Variants in ZHX3 observed in about 807,000 individuals in gnomAD.
ZHX3 encodes zinc fingers and homeoboxes 3, also known as zinc fingers and homeoboxes protein 3.
A neutral mutation model predicts 64.5 loss-of-function variants in ZHX3; 20 were observed. The ratio of observed to expected loss-of-function variants is 0.31; its 90% confidence interval spans 0.22 to 0.45. The LOEUF (loss-of-function observed/expected upper bound fraction) is 0.45, where lower values mean the gene tolerates loss of function less well. ZHX3 is among the 20% of genes least tolerant of loss of function. The pLI, the probability that ZHX3 is intolerant of heterozygous loss-of-function variation, is 1.00. For missense variants in ZHX3, 1,041 were observed against 1,195.8 expected, an observed-to-expected ratio of 0.87 and a Z score of 1.91; for synonymous variants, 423 against 461.6, an observed-to-expected ratio of 0.92 and a Z score of 1.07.
At chr20:41,213,012 C>T (rs548057264) in intron 2 of ZHX3, among the ~76,000 whole-genome samples, 92 of 152,226 alleles carry the variant, frequency 6.0e-4, no homozygotes, top group Non-Finnish European at 1.2e-3. Flanking sequence ...TATATCCATA[C>T]GATGAATTCT....
At chr20:41,236,249 T>C (rs1343943355) in intron 2 of ZHX3, among the ~76,000 whole-genome samples, 1 of 152,188 alleles carries the variant, frequency 6.6e-6, no homozygotes, top group Non-Finnish European at 1.5e-5. Flanking sequence ...AATGACTTTC[T>C]TCACAGAATT....
chr20:41,234,220 A>G (rs1356343877), intron 2 of ZHX3, among the ~76,000 whole-genome samples: 1 of 152,170 alleles, frequency 6.6e-6, no homozygotes, highest in Admixed American at 6.5e-5. Context: ...CCCCCACAAA[A>G]CTGTGGGCTG....
chr20:41,293,333 G>T (rs1022253181), intron 1 of ZHX3, among the ~76,000 whole-genome samples: 1 of 152,170 alleles, frequency 6.6e-6, no homozygotes, highest in South Asian at 2.1e-4. Flanking sequence ...GGATTTAGAG[G>T]ATTATTGTCA....
At chr20:41,221,369 T>C (rs1352735628) in intron 2 of ZHX3, among the ~76,000 whole-genome samples, 2 of 152,234 alleles carry the variant, frequency 1.3e-5, no homozygotes, top group Non-Finnish European at 2.9e-5. Flanking sequence ...CCAGGACTTG[T>C]ACCAAAATAC....
intron 2 of ZHX3, among the ~76,000 whole-genome samples, chr20:41,206,332 C>A (rs1018251108): frequency 2.6e-5 from 4 of 152,090 alleles, no homozygotes; most frequent in Admixed American, 6.6e-5. Context: ...GGGCTTCAGA[C>A]GATCAGTAAT....
intron 3 of ZHX3, among the ~76,000 whole-genome samples, chr20:41,194,935 TA>T (rs1421391467): frequency 1.3e-5 from 2 of 152,194 alleles, no homozygotes; most frequent in African/African-American, 4.8e-5. Context: ...GTTAGTAATT[TA>T]AGTCTTCTCT....
At chr20:41,266,150 G>A (rs2042833598) in intron 2 of ZHX3, among the ~76,000 whole-genome samples, 1 of 152,206 alleles carries the variant, frequency 6.6e-6, no homozygotes, top group South Asian at 2.1e-4. Context: ...CAGATGGTAT[G>A]TGCCTCTAAA....
intron 2 of ZHX3, among the ~76,000 whole-genome samples, chr20:41,262,162 C>T (rs929524620): frequency 1.3e-5 from 2 of 152,206 alleles, no homozygotes; most frequent in Admixed American, 1.3e-4. Context: ...TTGTTCTCAC[C>T]TCTTATCTGG....
intron 1 of ZHX3, among the ~76,000 whole-genome samples, chr20:41,283,983 T>C (rs1234811742): frequency 1.3e-5 from 2 of 152,150 alleles, no homozygotes; most frequent in Non-Finnish European, 2.9e-5. Context: ...AGTATTAATA[T>C]ATATGCATTG....
At chr20:41,248,713 G>C (rs1362320966) in intron 2 of ZHX3, among the ~76,000 whole-genome samples, 1 of 152,166 alleles carries the variant, frequency 6.6e-6, no homozygotes, top group East Asian at 1.9e-4. Context: ...CTCCTCTGTG[G>C]AATGAATGTG....
chr20:41,273,023 C>G (rs2043217313), intron 1 of ZHX3, among the ~76,000 whole-genome samples: 1 of 150,990 alleles, frequency 6.6e-6, no homozygotes, highest in African/African-American at 2.5e-5. Flanking sequence ...TCTCCACATT[C>G]TCATCAATGC....
chr20:41,203,617 T>C lies in ZHX3; in HGVS notation c.1300A>G (p.Asn434Asp), dbSNP rs745729820. ...GGGGAACTTGTTGCTTGCAACCCAT[T>C]GGCCATCAATGGCTGAGTGACCAGA... ...GLLVTQPLMA[N>D]GLQATSSPLP... The change falls in exon 3 of 4, where the codon AAT becomes GAT. Residue 434 changes from asparagine (N) to aspartate (D), a missense_variant. Physicochemically the swap from Asn to Asp is conservative, Grantham distance 23. Transcript: ENST00000683867. This position sits in a 1 kb window ranked among gnomAD's most constrained non-coding sequence, Gnocchi z 7.1. 4 of 1,614,210 alleles carry C rather than the reference T, an allele frequency of 2.5e-6. No homozygotes were observed. The Admixed American group carries it at 6.7e-5, about 27-fold the overall frequency.
chr20:41,291,409 A>G (rs2146748058), intron 1 of ZHX3, among the ~76,000 whole-genome samples: 1 of 152,340 alleles, frequency 6.6e-6, no homozygotes, highest in African/African-American at 2.4e-5. Context: ...ACACCATGTT[A>G]GTACAGGATT....
intron 2 of ZHX3, among the ~76,000 whole-genome samples, chr20:41,267,067 G>C (rs976870899): frequency 1.3e-5 from 2 of 150,348 alleles, no homozygotes; most frequent in Admixed American, 6.6e-5. Flanking sequence ...GGCTGGTCTT[G>C]AACTCCTGAC....
intron 2 of ZHX3, among the ~76,000 whole-genome samples, chr20:41,214,935 T>A (rs1389637164): frequency 6.6e-6 from 1 of 152,170 alleles, no homozygotes; most frequent in East Asian, 1.9e-4. Context: ...ACATGCCCCA[T>A]CTTGAAACCT....
chr20:41,304,836 G>A (rs1392421860), intron 1 of ZHX3, among the ~76,000 whole-genome samples: 1 of 152,194 alleles, frequency 6.6e-6, no homozygotes, highest in Non-Finnish European at 1.5e-5. Context: ...AGAAAGTGTT[G>A]GCTAATGGCC....
chr20:41,206,086 T>C (rs571247414), intron 2 of ZHX3, among the ~76,000 whole-genome samples: 1 of 152,196 alleles, frequency 6.6e-6, no homozygotes. Context: ...CTGAGGGTCC[T>C]GACTGTTAGA....
At chr20:41,315,126 T>A (rs1478694397) in intron 1 of ZHX3, among the ~76,000 whole-genome samples, 1 of 152,134 alleles carries the variant, frequency 6.6e-6, no homozygotes, top group Admixed American at 6.5e-5. Flanking sequence ...TATGTTAATA[T>A]CCAGGGACCA....
At chr20:41,271,722 C>T (rs2043158696) in intron 1 of ZHX3, among the ~76,000 whole-genome samples, 1 of 152,120 alleles carries the variant, frequency 6.6e-6, no homozygotes, top group Non-Finnish European at 1.5e-5. Context: ...AGATCATTTG[C>T]CAGAATATAG....
Sources: gnomAD v4.1 joint callset for allele counts (sites outside exome capture counted in the v4.1 genomes callset) on GRCh38, gnomAD v4.1.1 for gene constraint, Gnocchi (gnomAD v3.1) non-coding constraint, MANE v1.5 for transcripts, NCBI Gene and HGNC (gene_info 2026-07-23, HGNC 2026-07-21) for gene names.